NDST3: variants seen among roughly 807,000 people sequenced by gnomAD.
NDST3 encodes N-deacetylase and N-sulfotransferase 3.
Under a neutral mutation model 96.1 loss-of-function variants are expected in NDST3, and 58 were observed. That is an observed-to-expected ratio of 0.60 (90% CI 0.49 to 0.75). NDST3 has a LOEUF of 0.75. NDST3 is among the 30% of genes least tolerant of loss of function. The probability of loss-of-function intolerance (pLI) is 0.00; values close to 1 mark genes in which losing one functional copy is unlikely to be tolerated. For missense variants in NDST3, 788 were observed against 1,034.2 expected, an observed-to-expected ratio of 0.76 and a Z score of 3.27; for synonymous variants, 333 against 359.7, an observed-to-expected ratio of 0.93 and a Z score of 0.84.
intron 4 of NDST3, among the ~76,000 whole-genome samples, chr4:118,117,852 C>A (rs892677073): frequency 1.3e-5 from 2 of 152,158 alleles, no homozygotes; most frequent in Non-Finnish European, 1.5e-5. Context: ...ATCAAGATTT[C>A]TTTTCTGCTG....
At chr4:118,101,426 A>G (rs1214635653) in intron 2 of NDST3, among the ~76,000 whole-genome samples, 1 of 151,986 alleles carries the variant, frequency 6.6e-6, no homozygotes, top group East Asian at 1.9e-4. Context: ...TGGAAAGATA[A>G]TTTTGAAATT....
At chr4:118,059,290 T>C (rs1475970144) in intron 2 of NDST3, among the ~76,000 whole-genome samples, 1 of 152,146 alleles carries the variant, frequency 6.6e-6, no homozygotes, top group Non-Finnish European at 1.5e-5. Context: ...CCTTTCTCAC[T>C]ATTTTCTTAC....
chr4:118,249,384 C>G (rs536418659), intron 12 of NDST3, among the ~76,000 whole-genome samples: 2 of 152,192 alleles, frequency 1.3e-5, no homozygotes, highest in African/African-American at 2.4e-5. Context: ...TCACAGACTT[C>G]CAGAAATGTT....
Position 118,153,266 on chromosome 4 carries a change from C to G in NDST3, c.1539+9582C>G, listed in dbSNP as rs147304409. On this transcript the variant is annotated intron_variant, in intron 6 of 13. Transcript: ENST00000296499. The stretch of plus-strand genomic sequence containing the variant: ...TTATCATTTTATTATATGTATTGCT[C>G]CATACCCACTTGGAATGCAAGTTCC... Among the ~76,000 whole-genome samples the G allele has an allele frequency of 2.9e-3, 443 of 152,218 alleles. 2 individuals carry two copies. Among genetic ancestry groups the G allele is most frequent in the African/African-American group, 0.01 (416 of 41,534 alleles).
chr4:118,187,209 C>T (rs1737021004), intron 6 of NDST3, among the ~76,000 whole-genome samples: 1 of 152,218 alleles, frequency 6.6e-6, no homozygotes, highest in Non-Finnish European at 1.5e-5. Context: ...TATACAGATA[C>T]TTCTGTTTAG....
chr4:118,058,712 G>T (rs1275286708), intron 2 of NDST3, among the ~76,000 whole-genome samples: 6 of 151,228 alleles, frequency 4.0e-5, no homozygotes, highest in African/African-American at 1.2e-4. Context: ...AAAATTTCAA[G>T]TTCCTTGTGA....
chr4:118,082,225 A>G (rs2389517), intron 2 of NDST3, among the ~76,000 whole-genome samples: 114,463 of 152,078 alleles, frequency 0.75, 45,740 homozygotes, highest in South Asian at 0.92. Flanking sequence ...TTTGCTGTCC[A>G]TGGATACTTA....
chr4:118,206,311 C>A lies in NDST3; in HGVS notation c.1540-18180C>A, dbSNP rs1044526021. Among the ~76,000 whole-genome samples, 28 of 144,770 alleles carry A rather than the reference C, an allele frequency of 1.9e-4. 5 individuals are homozygous for A. Among genetic ancestry groups the A allele is most frequent in the Non-Finnish European group, 3.4e-4 (22 of 65,280 alleles). 95.0% of individuals were successfully genotyped at this position (144,770 alleles called of 152,430 possible). ...ATTCTGAGTGTACACTATTAATTAGCAAAACAAAGAACATAAGCCTAAAGG... is the reference window on the plus strand; with the variant it reads ...ATTCTGAGTGTACACTATTAATTAGAAAAACAAAGAACATAAGCCTAAAGG... On this transcript the variant is annotated intron_variant, in intron 6 of 13. Transcript: ENST00000296499.
intron 6 of NDST3, among the ~76,000 whole-genome samples, chr4:118,167,241 C>CA (rs1735612983): frequency 1.3e-5 from 2 of 151,576 alleles, no homozygotes; most frequent in Admixed American, 6.6e-5. Flanking sequence ...AATCAACATA[C>CA]AAAAATGAGT....
At chr4:118,253,401 G>A (rs1741885456) in intron 12 of NDST3, 98 bp from the exon 13 acceptor site, 1 of 654,222 alleles carries the variant, frequency 1.5e-6, no homozygotes, top group African/African-American at 1.8e-5. Flanking sequence ...AAATATTTAT[G>A]TATTGGTCAC....
intron 6 of NDST3, among the ~76,000 whole-genome samples, chr4:118,165,385 T>C (rs1735480352): frequency 6.6e-6 from 1 of 151,940 alleles, no homozygotes; most frequent in East Asian, 1.9e-4. Context: ...ATAACAATTA[T>C]AAATATAAAC....
chr4:118,186,724 A>G (rs531644575), intron 6 of NDST3, among the ~76,000 whole-genome samples: 5 of 152,204 alleles, frequency 3.3e-5, no homozygotes, highest in Non-Finnish European at 7.3e-5. Flanking sequence ...AATCCAGTCA[A>G]GTTGACACTC....
intron 2 of NDST3, among the ~76,000 whole-genome samples, chr4:118,063,663 T>C (rs1209232850): frequency 6.6e-6 from 1 of 152,192 alleles, no homozygotes; most frequent in Non-Finnish European, 1.5e-5. Flanking sequence ...ACTGAGTATG[T>C]ACGTTGTTTT....
intron 6 of NDST3, among the ~76,000 whole-genome samples, chr4:118,150,025 T>C (rs1190588469): frequency 6.6e-6 from 1 of 151,714 alleles, no homozygotes; most frequent in African/African-American, 2.4e-5. Context: ...ATGTGGTTTT[T>C]GTCTTTGGTT....
chr4:118,112,341 A>G (rs1730705960), intron 3 of NDST3, among the ~76,000 whole-genome samples: 1 of 152,200 alleles, frequency 6.6e-6, no homozygotes, highest in African/African-American at 2.4e-5. Flanking sequence ...GGAAAGCTTC[A>G]AGGAAAGATA....
intron 6 of NDST3, chr4:118,193,693 G>A: frequency 7.6e-7 from 1 of 1,309,722 alleles, no homozygotes; most frequent in Non-Finnish European, 1.1e-6. Context: ...TCACAGCCAG[G>A]TGGGCCTCTC....
At chr4:118,069,262 T>C (rs1443480400) in intron 2 of NDST3, among the ~76,000 whole-genome samples, 1 of 152,054 alleles carries the variant, frequency 6.6e-6, no homozygotes, top group Non-Finnish European at 1.5e-5. Flanking sequence ...AGAGGTTAAT[T>C]ATACTTCAGG....
At chr4:118,122,245 A>T (rs1731654242) in intron 4 of NDST3, among the ~76,000 whole-genome samples, 1 of 152,022 alleles carries the variant, frequency 6.6e-6, no homozygotes, top group Non-Finnish European at 1.5e-5. Context: ...AGGGTGGGGG[A>T]GGTCTATTTC....
chr4:118,070,539 T>A (rs766487070), intron 2 of NDST3, among the ~76,000 whole-genome samples: 4 of 152,136 alleles, frequency 2.6e-5, no homozygotes, highest in Non-Finnish European at 5.9e-5. Context: ...ATTATTTTGA[T>A]ACAGTCCATA....
Sources: allele counts gnomAD v4.1 joint callset (sites outside exome capture counted in the v4.1 genomes callset), GRCh38; gene constraint gnomAD v4.1.1; transcripts MANE v1.5; gene names NCBI Gene and HGNC (gene_info 2026-07-23, HGNC 2026-07-21).